The following UMODL1 variants were observed in gnomAD, a reference collection of about 807,000 sequenced individuals.
UMODL1 encodes the protein uromodulin like 1.
UMODL1 carries 128 observed loss-of-function variants against 136.3 expected under a neutral mutation model. The observed-to-expected ratio is 0.94, with a 90% CI of 0.81 to 1.09. The LOEUF is 1.09. UMODL1 is among the 50% of genes least tolerant of loss of function. UMODL1 has a pLI of 0.00. For synonymous variants in UMODL1, 721 were observed against 720.0 expected, an observed-to-expected ratio of 1.00 and a Z score of -0.02; for missense variants, 1,766 against 1,725.6, an observed-to-expected ratio of 1.02 and a Z score of -0.41.
rs543328610 is a variant in UMODL1, at chr21:42,123,303, G to A, written c.3147+153G>A. 1.1e-3 allele frequency among the ~76,000 whole-genome samples: 171 copies of A among 152,290 alleles called. No homozygotes were observed. Among genetic ancestry groups the A allele is most frequent in the African/African-American group, 4.0e-3 (165 of 41,552 alleles). On this transcript the variant is annotated intron_variant, in intron 17 of 22. Transcript: ENST00000408910. This position sits in a 1 kb window ranked among gnomAD's most constrained non-coding sequence, Gnocchi z 4.4. ...GGACAGGGTTGAGTTCTCAACCAGG[G>A]ACCAGCCTGCACCCCAGAATCGGAA...
intron 12 of UMODL1, among the ~76,000 whole-genome samples, 196 bp downstream of exon 12, chr21:42,111,906 C>A (rs542505475): frequency 6.6e-6 from 1 of 152,274 alleles, no homozygotes; most frequent in South Asian, 2.1e-4. Context: ...AGCTTGGTCC[C>A]CTTGCCTGTC....
rs752944266 is a variant in UMODL1, at chr21:42,085,688, G to A, written c.603+276G>A. 2.6e-5 allele frequency among the ~76,000 whole-genome samples: 4 copies of A among 152,182 alleles called. No individual in the cohort carries two copies. The highest frequency in any genetic ancestry group is 9.7e-5 in the African/African-American group (4 of 41,428). On this transcript the variant is annotated intron_variant, in intron 4 of 22. Transcript: ENST00000408910. This position sits in a 1 kb window ranked among gnomAD's most constrained non-coding sequence, Gnocchi z 4.5. ...GCCCGCCTGTCGTGGTGGAGAACGCGGATCCCTAAGCTTGCAGGGGTCTGC... is the reference window on the plus strand; with the variant it reads ...GCCCGCCTGTCGTGGTGGAGAACGCAGATCCCTAAGCTTGCAGGGGTCTGC...
intron 22 of UMODL1, among the ~76,000 whole-genome samples, chr21:42,138,714 T>G (rs1347239605): frequency 1.3e-5 from 2 of 152,128 alleles, no homozygotes; most frequent in Non-Finnish European, 2.9e-5. Flanking sequence ...TAGCTGGGAT[T>G]ACAGGCATGC....
chr21:42,081,631 G>A (rs1431194584), intron 2 of UMODL1, among the ~76,000 whole-genome samples: 1 of 152,100 alleles, frequency 6.6e-6, no homozygotes, highest in Non-Finnish European at 1.5e-5. Flanking sequence ...TATTTAAATA[G>A]GCTTTTAGTT....
At chr21:42,128,043 T>C in intron 20 of UMODL1, 1 of 680,902 alleles carries the variant, frequency 1.5e-6, no homozygotes, top group Non-Finnish European at 2.6e-6. Context: ...CTGGTGGGCA[T>C]TTCCCATTTC....
intron 1 of UMODL1, among the ~76,000 whole-genome samples, chr21:42,074,707 T>A (rs1478236038): frequency 6.6e-6 from 1 of 151,940 alleles, no homozygotes; most frequent in Non-Finnish European, 1.5e-5. Context: ...CTGATCACAG[T>A]GGTAACGGCT....
rs1378469376 is a variant in UMODL1 at position 42,076,013 on chromosome 21, C to A, written c.85C>A (p.Leu29Ile). ...TGCTTGGCCTCTTTCAGAAAAAGGCCTCTCCCTGTTGGGCTACCAGCTATG... is the reference window on the plus strand; with the variant it reads ...TGCTTGGCCTCTTTCAGAAAAAGGCATCTCCCTGTTGGGCTACCAGCTATG... The part of the protein sequence containing the change: ...SQASGFTEKG[L>I]SLLGYQLCSH... The change falls in exon 2 of 23, where the codon CTC becomes ATC. Residue 29 changes from leucine (L) to isoleucine (I), a missense_variant. Transcript: ENST00000408910. 1 of 1,613,768 alleles carries A rather than the reference C, an allele frequency of 6.2e-7. No individual in the cohort carries two copies. Among genetic ancestry groups the A allele is most frequent in the Non-Finnish European group, 8.5e-7 (1 of 1,179,644 alleles).
intron 1 of UMODL1, among the ~76,000 whole-genome samples, chr21:42,064,527 A>G (rs918623722): frequency 3.3e-5 from 5 of 152,140 alleles, no homozygotes; most frequent in Non-Finnish European, 7.4e-5. Flanking sequence ...GCCAATTTCA[A>G]TTTCTTAGAA....
intron 2 of UMODL1, among the ~76,000 whole-genome samples, chr21:42,082,129 G>A (rs921561711): frequency 6.6e-6 from 1 of 152,372 alleles, no homozygotes; most frequent in South Asian, 2.1e-4. Flanking sequence ...GGCTGGGTGA[G>A]GAGAGCGGGG....
In UMODL1 at chr21:42,098,908, C is replaced by T; in HGVS notation, c.932-18C>T. The stretch of plus-strand genomic sequence containing the variant: ...CTCACTGACCCTTTGCTCATCTTCT[C>T]TGTCTGTGCTTTCGTAGATTGTCCT... On this transcript the variant is annotated intron_variant, in intron 6 of 22. Transcript: ENST00000408910. The T allele has an allele frequency of 6.2e-7, 1 of 1,612,764 alleles. No individual in the cohort carries two copies. Among genetic ancestry groups the T allele is most frequent in the Non-Finnish European group, 8.5e-7 (1 of 1,178,912 alleles).
intron 1 of UMODL1, among the ~76,000 whole-genome samples, chr21:42,072,757 G>A (rs913534869): frequency 2.0e-5 from 3 of 152,210 alleles, no homozygotes; most frequent in African/African-American, 7.2e-5. Context: ...CTGGGTGTGA[G>A]CACAGGTCCA....
rs569313734 is a variant in UMODL1 at position 42,073,082 on chromosome 21, C to A, written c.76+1690C>A. Among the ~76,000 whole-genome samples, 4 of 152,294 alleles carry A rather than the reference C, an allele frequency of 2.6e-5. No individual in the cohort carries two copies. In the South Asian group the frequency reaches 8.3e-4, roughly 32 times the overall value. The stretch of plus-strand genomic sequence containing the variant: ...TGTGCAGGACGGCTCTGCTGCGGAC[C>A]AGCTGGGGCCATGTAACGATCAGGT... On this transcript the variant is annotated intron_variant, in intron 1 of 22. Transcript: ENST00000408910.
At chr21:42,128,395 G>T (rs138155567) in intron 20 of UMODL1, among the ~76,000 whole-genome samples, 1 of 152,168 alleles carries the variant, frequency 6.6e-6, no homozygotes, top group Non-Finnish European at 1.5e-5. Flanking sequence ...CATGTTGGTC[G>T]CCTGTTGTCT....
chr21:42,085,274 T>C lies in UMODL1; in HGVS notation c.482-17T>C. 1.9e-6 allele frequency: 3 copies of C among 1,613,126 alleles called. No individual in the cohort carries two copies. Among genetic ancestry groups the C allele is most frequent in the Non-Finnish European group, 1.7e-6 (2 of 1,179,414 alleles). On this transcript the variant is annotated splice_polypyrimidine_tract_variant and intron_variant, in intron 3 of 22. Transcript: ENST00000408910. The surrounding 1 kb of genome is among the most constrained non-coding windows in gnomAD (Gnocchi z 4.5). Reference sequence around the variant, plus strand: ...CCTGTCCTGGGTCCATAATCATCAGTGTTTTCCCTTGTGTAGCTCCAGAGA... The same window carrying C: ...CCTGTCCTGGGTCCATAATCATCAGCGTTTTCCCTTGTGTAGCTCCAGAGA...
chr21:42,127,840 T>C lies in UMODL1; in HGVS notation c.3690+9T>C. On this transcript the variant is annotated intron_variant, in intron 20 of 22. Coordinates refer to ENST00000408910, the MANE Select transcript of UMODL1 (RefSeq NM_001004416.3). Reference sequence around the variant, plus strand: ...GAGCCACGTGCAAAATCGTAAGTGTTTTTTGGTTTTCTAAACGTTTGGTTG... The same window carrying C: ...GAGCCACGTGCAAAATCGTAAGTGTCTTTTGGTTTTCTAAACGTTTGGTTG... The C allele has an allele frequency of 6.2e-7, 1 of 1,610,078 alleles. No individual in the cohort carries two copies. Among genetic ancestry groups the C allele is most frequent in the Middle Eastern group, 1.7e-4 (1 of 6,034 alleles).
At chr21:42,116,189 A>AAATAC (rs1308564085) in intron 14 of UMODL1, among the ~76,000 whole-genome samples, 2 of 150,400 alleles carry the variant, frequency 1.3e-5, no homozygotes, top group Non-Finnish European at 3.0e-5. Context: ...AAAAAAAAAA[A>AAATAC]AAAAAATACA....
chr21:42,126,199 G>A (rs1051642283), intron 17 of UMODL1, 146 bp from the exon 18 acceptor site: 5 of 1,240,828 alleles, frequency 4.0e-6, no homozygotes, highest in Non-Finnish European at 4.4e-6. Context: ...GTTTATGGTT[G>A]GGAGAATCGC....
In UMODL1 at chr21:42,110,966, G is replaced by A. The variant is rs116532925; in HGVS notation, c.1744G>A (p.Gly582Ser). ...PGLGTGTAAL[G>S]LENFTLSPSP... ...TCTTGGCACGGGAACAGCAGCCCTC[G>A]GCCTAGAGAACTTCACCTTGTCACC... is the stretch of plus-strand genomic sequence containing the variant. The change falls in exon 11 of 23, where the codon GGC becomes AGC. Residue 582 changes from glycine to serine, a missense_variant. Coordinates refer to ENST00000408910, the MANE Select transcript of UMODL1 (RefSeq NM_001004416.3). The A allele has an allele frequency of 1.2e-3, 1,930 of 1,613,088 alleles. 20 individuals carry two copies. The African/African-American group carries it at 0.023, about 19-fold the overall frequency.
chr21:42,074,446 A>G (rs2066264789), intron 1 of UMODL1, among the ~76,000 whole-genome samples: 1 of 152,236 alleles, frequency 6.6e-6, no homozygotes, highest in Non-Finnish European at 1.5e-5. Context: ...TTGGAGGAAC[A>G]CAATCAATTC....
Sources: allele counts gnomAD v4.1 joint callset (sites outside exome capture counted in the v4.1 genomes callset), GRCh38; gene constraint gnomAD v4.1.1; non-coding constraint Gnocchi (gnomAD v3.1); transcripts MANE v1.5; gene names NCBI Gene and HGNC (gene_info 2026-07-23, HGNC 2026-07-21).